The following AGAP1 variants were observed in gnomAD, a reference collection of about 807,000 sequenced individuals.
The protein encoded by AGAP1 is arf-GAP with GTPase, ANK repeat and PH domain-containing protein 1.
Under a neutral mutation model 105.3 loss-of-function variants are expected in AGAP1, and 29 were observed. The observed-to-expected ratio is 0.28, with a 90% CI of 0.21 to 0.38. AGAP1 has a LOEUF of 0.38. Among genes scored for constraint, AGAP1 ranks in the 10% least tolerant of loss-of-function variants. The probability of loss-of-function intolerance (pLI) is 1.00; values close to 1 mark genes in which losing one functional copy is unlikely to be tolerated. For missense variants in AGAP1, 998 were observed against 1,165.1 expected (o/e 0.86, Z 2.09); for synonymous variants, 509 against 485.9 (o/e 1.05, Z -0.63).
intron 13 of AGAP1, among the ~76,000 whole-genome samples, chr2:236,006,103 G>T (rs1377922415): frequency 6.6e-6 from 1 of 152,156 alleles, no homozygotes; most frequent in East Asian, 1.9e-4. Context: ...ATGTGGACTT[G>T]TGAATATTTA....
At chr2:236,108,460 AC>A (rs1324431945) in intron 16 of AGAP1, among the ~76,000 whole-genome samples, 1 of 152,028 alleles carries the variant, frequency 6.6e-6, no homozygotes, top group African/African-American at 2.4e-5. Flanking sequence ...GTGTTCCTCC[AC>A]GCCAGCCCGC....
chr2:235,894,173 G>A (rs1325123539), intron 10 of AGAP1, among the ~76,000 whole-genome samples: 2 of 152,204 alleles, frequency 1.3e-5, no homozygotes, highest in Non-Finnish European at 2.9e-5. Flanking sequence ...TTAGGCAAAT[G>A]GGAATGCTTT....
intron 1 of AGAP1, among the ~76,000 whole-genome samples, chr2:235,521,746 G>A (rs13005311): frequency 0.097 from 2,453 of 25,204 alleles, 34 homozygotes; most frequent in Middle Eastern, 0.33. Context: ...ATATATATGT[G>A]TGTGTGTGTG....
In AGAP1 at chr2:235,610,803, TG is replaced by T. The variant is rs1946100968; in HGVS notation, c.164-98374del. Among the ~76,000 whole-genome samples the T allele has an allele frequency of 6.6e-6, 1 of 152,098 alleles. No homozygotes were observed. Among genetic ancestry groups the T allele is most frequent in the African/African-American group, 2.4e-5 (1 of 41,406 alleles). On this transcript the variant is annotated intron_variant, in intron 1 of 17. Coordinates refer to ENST00000304032, the MANE Select transcript of AGAP1 (RefSeq NM_001037131.3). The surrounding 1 kb of genome is among the most constrained non-coding windows in gnomAD (Gnocchi z 4.9). ...CTAAGACTGGGCCACAGGTGTGCTC[TG>T]GTTCAGAAAACTCTTGCAGGTCCTA... is the stretch of plus-strand genomic sequence containing the variant.
At chr2:235,742,269 A>G (rs1490756734) in intron 4 of AGAP1, among the ~76,000 whole-genome samples, 5 of 152,132 alleles carry the variant, frequency 3.3e-5, no homozygotes, top group Non-Finnish European at 7.4e-5. Flanking sequence ...GTGCGGTTAT[A>G]CAGAAGATGC....
At position 235,877,820 on chromosome 2, in the gene AGAP1, C is replaced by T. The variant is rs2049818248; in HGVS notation, c.1051-5525C>T. Among the ~76,000 whole-genome samples, 1 of 152,228 alleles carries T rather than the reference C, an allele frequency of 6.6e-6. No individual in the cohort carries two copies. The highest frequency in any genetic ancestry group is 2.4e-5 in the African/African-American group (1 of 41,466). Reference sequence around the variant, plus strand: ...GATTGATCCCTCCCCCTCTTGGGTACACCCAACCACTGGTCTAAAGTGGGC... The same window carrying T: ...GATTGATCCCTCCCCCTCTTGGGTATACCCAACCACTGGTCTAAAGTGGGC... On this transcript the variant is annotated intron_variant, in intron 9 of 17. Coordinates refer to ENST00000304032, the MANE Select transcript of AGAP1 (RefSeq NM_001037131.3). The surrounding 1 kb of genome is among the most constrained non-coding windows in gnomAD (Gnocchi z 4.3).
intron 9 of AGAP1, among the ~76,000 whole-genome samples, chr2:235,837,791 T>C (rs2106375938): frequency 6.6e-6 from 1 of 152,322 alleles, no homozygotes; most frequent in South Asian, 2.1e-4. Flanking sequence ...TTCTCATCAA[T>C]AAATTTATTA....
chr2:235,993,025 C>CA lies in AGAP1; in HGVS notation c.1645+24408dup, dbSNP rs1397738225. ...TAGCAAAAGTTATTGTTATACGTTA[C>CA]AAAAAACCAGTTTAAGACATGGACT... On this transcript the variant is annotated intron_variant, in intron 13 of 17. Coordinates refer to ENST00000304032, the MANE Select transcript of AGAP1 (RefSeq NM_001037131.3). The surrounding 1 kb of genome is among the most constrained non-coding windows in gnomAD (Gnocchi z 5.0). 9.9e-5 allele frequency among the ~76,000 whole-genome samples: 15 copies of CA among 152,150 alleles called. No individual in the cohort carries two copies. The highest frequency in any genetic ancestry group is 2.9e-4 in the African/African-American group (12 of 41,440).
At chr2:235,910,538 CAA>C (rs2051554524) in intron 11 of AGAP1, among the ~76,000 whole-genome samples, 1 of 151,942 alleles carries the variant, frequency 6.6e-6, no homozygotes, top group Non-Finnish European at 1.5e-5. Context: ...AAGAAGGGCA[CAA>C]GAAAGAAAAA....
chr2:236,074,155 G>A (rs2058577358), intron 16 of AGAP1, among the ~76,000 whole-genome samples: 1 of 152,206 alleles, frequency 6.6e-6, no homozygotes, highest in African/African-American at 2.4e-5. Context: ...GCAGCTTGAC[G>A]CGGTAGGGGC....
chr2:235,589,017 T>C (rs1374595030), intron 1 of AGAP1, among the ~76,000 whole-genome samples: 1 of 152,032 alleles, frequency 6.6e-6, no homozygotes, highest in Non-Finnish European at 1.5e-5. Flanking sequence ...AACTGTGTTT[T>C]ATTGACCTTG....
intron 16 of AGAP1, among the ~76,000 whole-genome samples, chr2:236,094,282 C>T (rs2059135242): frequency 6.7e-6 from 1 of 149,390 alleles, no homozygotes. Context: ...TAATGAGACT[C>T]TATATCTTTA....
At chr2:236,023,667 G>A (rs986657007) in intron 13 of AGAP1, among the ~76,000 whole-genome samples, 3 of 152,046 alleles carry the variant, frequency 2.0e-5, no homozygotes, top group African/African-American at 7.2e-5. Flanking sequence ...GGAGGCCTCT[G>A]GGCTTGGTAG....
intron 6 of AGAP1, among the ~76,000 whole-genome samples, chr2:235,758,526 T>C (rs1954129084): frequency 6.6e-6 from 1 of 152,124 alleles, no homozygotes. Flanking sequence ...CCTCACCCCC[T>C]CCACACATTG....
rs143511786 is a variant in AGAP1 at position 235,968,537 on chromosome 2, C to A, written c.1559C>A (p.Pro520His). The part of the protein sequence containing the change: ...STTSPKLDPP[P>H]SPHANRKKHR... ...ACCAGCCCCAAGCTCGACCCGCCCC[C>A]CTCCCCTCACGCCAACAGAAAGAAG... The change falls in exon 13 of 18, where the codon CCC (proline) becomes CAC (histidine). Residue 520 changes from proline to histidine, a missense_variant. This residue lies in a region of AGAP1 where 735 missense variants were observed against 833.4 expected (regional missense o/e 0.88). Coordinates refer to ENST00000304032, the MANE Select transcript of AGAP1 (RefSeq NM_001037131.3). The A allele has an allele frequency of 1.2e-5, 10 of 830,928 alleles. No homozygotes were observed. Among genetic ancestry groups the A allele is most frequent in the Non-Finnish European group, 1.6e-5 (9 of 549,326 alleles). The allele number at this position is 830,928 out of a possible 1,614,324, so 51.5% of individuals were successfully genotyped here.
At chr2:235,748,321 G>A (rs931253858) in intron 5 of AGAP1, among the ~76,000 whole-genome samples, 1 of 152,188 alleles carries the variant, frequency 6.6e-6, no homozygotes, top group African/African-American at 2.4e-5. Context: ...CATGGAAGCT[G>A]GGTGGATGCT....
rs1192314234 is a variant in AGAP1 at position 235,612,630 on chromosome 2, A to T, written c.164-96549A>T. On this transcript the variant is annotated intron_variant, in intron 1 of 17. Coordinates refer to ENST00000304032, the MANE Select transcript of AGAP1 (RefSeq NM_001037131.3). The surrounding 1 kb of genome is among the most constrained non-coding windows in gnomAD (Gnocchi z 4.3). ...CAAATGCATGAAACTCATGTTAAGAACAGTTGTGGTTCACGTGTACCAAAC... is the reference window on the plus strand; with the variant it reads ...CAAATGCATGAAACTCATGTTAAGATCAGTTGTGGTTCACGTGTACCAAAC... Among the ~76,000 whole-genome samples the T allele has an allele frequency of 6.6e-6, 1 of 152,248 alleles. No individual in the cohort carries two copies. The highest frequency in any genetic ancestry group is 2.4e-5 in the African/African-American group (1 of 41,472).
rs937817412 is a variant in AGAP1 at position 235,792,974 on chromosome 2, G to A, written c.674-4785G>A. ...AGGACACCAGGAGGATGCCAGGGAA[G>A]CACCCGCACTTCAGGAGCCAGCAAG... On this transcript the variant is annotated intron_variant, in intron 6 of 17. Coordinates refer to ENST00000304032, the MANE Select transcript of AGAP1 (RefSeq NM_001037131.3). The surrounding 1 kb of genome is among the most constrained non-coding windows in gnomAD (Gnocchi z 5.3). Among the ~76,000 whole-genome samples the A allele has an allele frequency of 2.0e-5, 3 of 152,166 alleles. No homozygotes were observed. The highest frequency in any genetic ancestry group is 4.8e-5 in the African/African-American group (2 of 41,452).
chr2:235,827,725 TAGTC>T (rs1959149707), intron 9 of AGAP1, among the ~76,000 whole-genome samples: 1 of 152,198 alleles, frequency 6.6e-6, no homozygotes, highest in East Asian at 1.9e-4. Context: ...CTTCCAAGGT[TAGTC>T]AGGGAGGCTT....
Sources: gnomAD v4.1 joint callset for allele counts (sites outside exome capture counted in the v4.1 genomes callset) on GRCh38, gnomAD v4.1.1 for gene constraint, gnomAD v4.1.1 regional missense constraint, Gnocchi (gnomAD v3.1) non-coding constraint, MANE v1.5 for transcripts, NCBI Gene and HGNC (gene_info 2026-07-23, HGNC 2026-07-21) for gene names.